Variants in CSMD1 observed in about 807,000 individuals in gnomAD.
CSMD1 encodes the protein CUB and sushi domain-containing protein 1.
In CSMD1, 213 loss-of-function variants were observed where a neutral mutation model predicts 417.5. The ratio of observed to expected loss-of-function variants is 0.51; its 90% CI spans 0.46 to 0.57. The LOEUF (loss-of-function observed/expected upper bound fraction) is 0.57, where lower values mean the gene tolerates loss of function less well. Among genes scored for constraint, CSMD1 ranks in the 20% least tolerant of loss-of-function variants. The probability of loss-of-function intolerance (pLI) is 0.00; values close to 1 mark genes in which losing one functional copy is unlikely to be tolerated. For missense variants in CSMD1, 6,923 were observed against 4,529.7 expected, an observed-to-expected ratio of 1.53 and a Z score of -15.17; for synonymous variants, 2,862 against 1,736.8, an observed-to-expected ratio of 1.65 and a Z score of -16.11.
At position 3,998,059 on chromosome 8, in the gene CSMD1, C is replaced by G. The variant is rs772379959; in HGVS notation, c.662G>C (p.Ser221Thr). Reference protein sequence around the residue: ...TLRGTSSSISSPHFPSEYENN... With the variant: ...TLRGTSSSISTPHFPSEYENN... ...CTCGTACTCTGAAGGGAAGTGCGGGCTGGAGATGGAGCTGCTGGTCCCGCG... is the reference window on the plus strand; with the variant it reads ...CTCGTACTCTGAAGGGAAGTGCGGGGTGGAGATGGAGCTGCTGGTCCCGCG... Residue 221 changes from serine (S) to threonine (T), a missense_variant, in exon 5 of 70, where the codon AGC (serine) becomes ACC (threonine). Ser to Thr is a moderately conservative substitution (Grantham distance 58). Coordinates refer to ENST00000635120, the MANE Select transcript of CSMD1 (RefSeq NM_033225.6). 12 of 1,596,354 alleles carry G rather than the reference C, an allele frequency of 7.5e-6. No individual in the cohort carries two copies. The African/African-American group carries it at 1.5e-4, about 20-fold the overall frequency.
At chr8:3,320,092 A>T (rs1452533584) in intron 23 of CSMD1, among the ~76,000 whole-genome samples, 2 of 152,206 alleles carry the variant, frequency 1.3e-5, no homozygotes, top group Non-Finnish European at 2.9e-5. Context: ...CAGCGCACAC[A>T]GAAGACATGC....
At chr8:4,594,190 G>A (rs956685690) in intron 2 of CSMD1, among the ~76,000 whole-genome samples, 181 of 105,584 alleles carry the variant, frequency 1.7e-3, no homozygotes, top group Non-Finnish European at 3.1e-3. Context: ...TAATTCTAAA[G>A]TGATCTTTTT....
chr8:4,232,574 G>C (rs1714676), intron 3 of CSMD1, among the ~76,000 whole-genome samples: 79,270 of 151,534 alleles, frequency 0.52, 21,747 homozygotes, highest in Non-Finnish European at 0.62. Flanking sequence ...AATGAGAAAT[G>C]TGAATGACTC....
In CSMD1 at chr8:4,658,836, G is replaced by T. The variant is rs981307030; in HGVS notation, c.86-21278C>A. Among the ~76,000 whole-genome samples, 70 of 152,100 alleles carry T rather than the reference G, an allele frequency of 4.6e-4. 1 individual carries two copies. On this transcript the variant is annotated intron_variant, in intron 1 of 69. Transcript: ENST00000635120. ...AACACAATTTATGAGGATATAATAT[G>T]TTCCTATGTGAACATGGTCTGGGGT...
intron 3 of CSMD1, among the ~76,000 whole-genome samples, chr8:4,337,259 C>A (rs1800225898): frequency 6.6e-6 from 1 of 152,088 alleles, no homozygotes; most frequent in Admixed American, 6.6e-5. Flanking sequence ...AACATAGCAT[C>A]ATGGCAACTA....
intron 1 of CSMD1, among the ~76,000 whole-genome samples, chr8:4,734,752 C>G (rs293893): frequency 0.92 from 140,369 of 152,298 alleles, 64,782 homozygotes; most frequent in East Asian, 0.99. Flanking sequence ...TTGGCTACTT[C>G]TTTGAAGATG....
At chr8:4,063,535 A>G (rs935916633) in intron 3 of CSMD1, among the ~76,000 whole-genome samples, 10 of 152,196 alleles carry the variant, frequency 6.6e-5, no homozygotes, top group Non-Finnish European at 1.3e-4. Flanking sequence ...TTTAATACCA[A>G]GAAAAATACT....
intron 1 of CSMD1, among the ~76,000 whole-genome samples, chr8:4,978,465 A>C (rs1810691960): frequency 6.6e-6 from 1 of 152,212 alleles, no homozygotes. Context: ...AAAGATGTTA[A>C]TAAACCCAGC....
chr8:3,145,910 G>C (rs975240562), intron 40 of CSMD1, among the ~76,000 whole-genome samples: 10 of 152,214 alleles, frequency 6.6e-5, no homozygotes, highest in African/African-American at 2.4e-4. Flanking sequence ...CCTGCACAGA[G>C]AATTTTTGCC....
chr8:4,773,302 T>C (rs1796686545), intron 1 of CSMD1, among the ~76,000 whole-genome samples: 1 of 152,196 alleles, frequency 6.6e-6, no homozygotes, highest in South Asian at 2.1e-4. Flanking sequence ...AGCAGTTTGG[T>C]GTTTATAAAC....
intron 2 of CSMD1, among the ~76,000 whole-genome samples, chr8:4,435,003 C>G (rs1445026624): frequency 1.3e-5 from 2 of 152,126 alleles, no homozygotes; most frequent in Admixed American, 1.3e-4. Context: ...ATACTTTTGT[C>G]TACTCTTGGA....
intron 1 of CSMD1, among the ~76,000 whole-genome samples, chr8:4,919,853 C>T (rs901842694): frequency 2.0e-5 from 3 of 152,090 alleles, no homozygotes; most frequent in African/African-American, 7.2e-5. Flanking sequence ...CACCTTCTTT[C>T]ATGTGAAGGG....
At chr8:3,532,371 T>C (rs1450419201) in intron 10 of CSMD1, among the ~76,000 whole-genome samples, 1 of 152,082 alleles carries the variant, frequency 6.6e-6, no homozygotes, top group Non-Finnish European at 1.5e-5. Flanking sequence ...CACCAATCTG[T>C]GTGTGTATGA....
At chr8:4,470,728 G>C (rs12547280) in intron 2 of CSMD1, among the ~76,000 whole-genome samples, 68,100 of 152,074 alleles carry the variant, frequency 0.45, 16,911 homozygotes, top group Non-Finnish European at 0.54. Context: ...AAGGTAAAAT[G>C]AACACAGAAA....
chr8:3,700,149 G>C (rs770606250), intron 7 of CSMD1, among the ~76,000 whole-genome samples: 1 of 152,120 alleles, frequency 6.6e-6, no homozygotes, highest in Non-Finnish European at 1.5e-5. Flanking sequence ...AACAAATATG[G>C]TGCAGCGTAT....
At chr8:4,259,053 C>A (rs1803685158) in intron 3 of CSMD1, among the ~76,000 whole-genome samples, 1 of 152,118 alleles carries the variant, frequency 6.6e-6, no homozygotes, top group African/African-American at 2.4e-5. Context: ...TGTGCAAAGA[C>A]CCTGCTTTGA....
At chr8:3,865,644 G>A (rs147938923) in intron 5 of CSMD1, among the ~76,000 whole-genome samples, 1 of 152,090 alleles carries the variant, frequency 6.6e-6, no homozygotes, top group Non-Finnish European at 1.5e-5. Context: ...TCACATCATC[G>A]ATGAAATTCC....
intron 10 of CSMD1, among the ~76,000 whole-genome samples, chr8:3,525,661 T>C (rs749568065): frequency 6.6e-6 from 1 of 152,186 alleles, no homozygotes; most frequent in Non-Finnish European, 1.5e-5. Flanking sequence ...ATGATAGCAA[T>C]CAATGGAATT....
At chr8:4,296,333 G>T (rs994542849) in intron 3 of CSMD1, among the ~76,000 whole-genome samples, 1 of 152,008 alleles carries the variant, frequency 6.6e-6, no homozygotes, top group African/African-American at 2.4e-5. Flanking sequence ...ATAGTTCAGG[G>T]ATTATGCACT....
Sources: gnomAD v4.1 joint callset for allele counts (sites outside exome capture counted in the v4.1 genomes callset) on GRCh38, gnomAD v4.1.1 for gene constraint, MANE v1.5 for transcripts, NCBI Gene and HGNC (gene_info 2026-07-23, HGNC 2026-07-21) for gene names.